Variants in SBF2 observed in about 807,000 individuals in gnomAD.
The protein encoded by SBF2 is myotubularin-related protein 13.
In SBF2, 112 loss-of-function variants were observed where a neutral mutation model predicts 225.2. The ratio of observed to expected loss-of-function variants is 0.50; its 90% CI spans 0.43 to 0.58. The LOEUF (loss-of-function observed/expected upper bound fraction) is 0.58. Ranked by LOEUF, SBF2 falls within the 20% of genes least tolerant of loss-of-function variation. The pLI, the probability that SBF2 is intolerant of heterozygous loss-of-function variation, is 0.00. For missense variants in SBF2, 1,996 were observed against 2,206.2 expected (o/e 0.90, Z 1.91); for synonymous variants, 763 against 773.3 (o/e 0.99, Z 0.22).
Position 9,978,969 on chromosome 11 carries a change from A to G in SBF2, c.1396-10424T>C, listed in dbSNP as rs574403502. Among the ~76,000 whole-genome samples the G allele has an allele frequency of 1.2e-4, 19 of 152,376 alleles. No homozygotes were observed. In the East Asian group the frequency reaches 3.7e-3, roughly 29 times the overall value. ...AGCCGAGATTGTGCCACTGCACTCC[A>G]GCCTGGGCAACAGAGTGAGATCTTG... On this transcript the variant is annotated intron_variant, in intron 13 of 39. Coordinates refer to ENST00000256190, the MANE Select transcript of SBF2 (RefSeq NM_030962.4).
intron 2 of SBF2, among the ~76,000 whole-genome samples, chr11:10,113,347 T>C (rs1211323050): frequency 2.6e-5 from 4 of 152,172 alleles, no homozygotes; most frequent in Non-Finnish European, 5.9e-5. Context: ...ACATTAAAAA[T>C]CTTAAGTATT....
At chr11:10,246,466 T>C (rs969597137) in intron 1 of SBF2, among the ~76,000 whole-genome samples, 1 of 152,114 alleles carries the variant, frequency 6.6e-6, no homozygotes, top group Non-Finnish European at 1.5e-5. Context: ...GTATTTTTAG[T>C]AGACACGGGG....
At chr11:10,292,469 C>T (rs1353703442) in intron 1 of SBF2, among the ~76,000 whole-genome samples, 2 of 152,038 alleles carry the variant, frequency 1.3e-5, no homozygotes, top group South Asian at 4.1e-4. Flanking sequence ...ATCACGAGAT[C>T]AGGAGTTCAA....
intron 1 of SBF2, among the ~76,000 whole-genome samples, chr11:10,236,823 T>C (rs892676902): frequency 6.6e-6 from 1 of 152,224 alleles, no homozygotes; most frequent in Non-Finnish European, 1.5e-5. Context: ...CTTTCATTTC[T>C]AGTAATGTAT....
intron 1 of SBF2, among the ~76,000 whole-genome samples, chr11:10,206,803 G>C (rs1456381171): frequency 6.6e-6 from 1 of 151,904 alleles, no homozygotes; most frequent in East Asian, 1.9e-4. Context: ...GAACAACGGA[G>C]AGAAAACAAA....
At chr11:9,803,718 G>A (rs1329804717) in intron 32 of SBF2, among the ~76,000 whole-genome samples, 1 of 152,160 alleles carries the variant, frequency 6.6e-6, no homozygotes, top group African/African-American at 2.4e-5. Context: ...AGATTTGGCT[G>A]TACAAGCTCA....
intron 13 of SBF2, among the ~76,000 whole-genome samples, chr11:9,974,733 C>A (rs1413228967): frequency 6.6e-6 from 1 of 150,888 alleles, no homozygotes; most frequent in Non-Finnish European, 1.5e-5. Context: ...CTTTGCGAGG[C>A]CGAGGCGGGT....
chr11:10,288,553 C>T (rs988521550), intron 1 of SBF2, among the ~76,000 whole-genome samples: 2 of 151,998 alleles, frequency 1.3e-5, no homozygotes, highest in Admixed American at 6.5e-5. Context: ...CTCTCTGCAG[C>T]TGGTTGTCCT....
chr11:9,875,495 G>A (rs538261732), intron 17 of SBF2, among the ~76,000 whole-genome samples: 1 of 152,300 alleles, frequency 6.6e-6, no homozygotes, highest in African/African-American at 2.4e-5. Flanking sequence ...GCAGGCCTGA[G>A]GATACCTTTA....
At chr11:10,187,162 T>C (rs891073108) in intron 2 of SBF2, among the ~76,000 whole-genome samples, 2 of 152,182 alleles carry the variant, frequency 1.3e-5, no homozygotes, top group African/African-American at 4.8e-5. Context: ...CTATCCTCCA[T>C]GCTTTCTCTT....
rs144684392 is a variant in SBF2, at chr11:9,837,211, T to A, written c.3455+2287A>T. The stretch of plus-strand genomic sequence containing the variant: ...TTTATTTATTTCTAAGATAAGTAAT[T>A]TCCTGTGTAGGATTTTTAAGACAGA... On this transcript the variant is annotated intron_variant, in intron 26 of 39. Transcript: ENST00000256190. 6.2e-3 allele frequency among the ~76,000 whole-genome samples: 951 copies of A among 152,314 alleles called. 50 individuals carry two copies. The highest frequency in any genetic ancestry group is 0.049 in the Admixed American group (749 of 15,296).
chr11:10,290,195 C>T (rs1964074870), intron 1 of SBF2, among the ~76,000 whole-genome samples: 1 of 151,952 alleles, frequency 6.6e-6, no homozygotes, highest in Non-Finnish European at 1.5e-5. Context: ...GTCATGGTAC[C>T]CCTGGGGTGG....
At chr11:10,159,746 C>A (rs571634307) in intron 2 of SBF2, among the ~76,000 whole-genome samples, 2 of 152,090 alleles carry the variant, frequency 1.3e-5, no homozygotes, top group Admixed American at 6.6e-5. Flanking sequence ...AAAAATTAGC[C>A]GGGCGCAGTG....
chr11:10,108,815 C>T (rs889800837), intron 2 of SBF2, among the ~76,000 whole-genome samples: 9 of 152,044 alleles, frequency 5.9e-5, no homozygotes, highest in South Asian at 4.2e-4. Context: ...TGAGCCACCG[C>T]GCCCGGCCAA....
intron 16 of SBF2, among the ~76,000 whole-genome samples, chr11:9,944,927 G>A (rs1196197117): frequency 1.3e-5 from 2 of 152,080 alleles, no homozygotes; most frequent in Non-Finnish European, 2.9e-5. Flanking sequence ...GCAACAAAGT[G>A]AGACCCTGTC....
rs557700209 is a variant in SBF2 at position 9,812,891 on chromosome 11, G to A, written c.3979-183C>T. ...CAGTGTTGGTGGGAACAGCCATTCA[G>A]TACAAGCTAGTGGTTTGCCCAGAAT... is the stretch of plus-strand genomic sequence containing the variant. On this transcript the variant is annotated intron_variant, in intron 29 of 39. Transcript: ENST00000256190. 27 of 650,568 alleles carry A rather than the reference G, an allele frequency of 4.2e-5. 1 individual carries two copies. In the South Asian group the frequency reaches 4.5e-4, roughly 11 times the overall value. The allele number at this position is 650,568 out of a possible 1,614,324, so 40.3% of individuals were successfully genotyped here.
intron 17 of SBF2, among the ~76,000 whole-genome samples, chr11:9,885,251 CA>C (rs71453937): frequency 0.012 from 444 of 38,290 alleles, 1 homozygote; most frequent in African/African-American, 0.038. Flanking sequence ...ACTTTTCCTC[CA>C]AAAAAAAAAA....
At chr11:9,992,239 A>G (rs917962470) in intron 12 of SBF2, among the ~76,000 whole-genome samples, 176 bp downstream of exon 12, 1 of 152,172 alleles carries the variant, frequency 6.6e-6, no homozygotes, top group Non-Finnish European at 1.5e-5. Flanking sequence ...AATTTTTTGT[A>G]ATTTTTATAA....
At chr11:9,895,908 C>T in intron 17 of SBF2, 35 bp downstream of exon 17, 2 of 1,464,616 alleles carry the variant, frequency 1.4e-6, no homozygotes, top group Non-Finnish European at 1.9e-6. Context: ...TTATGTAAAT[C>T]ATAACAAGCT....
Sources: gnomAD v4.1 joint callset for allele counts (sites outside exome capture counted in the v4.1 genomes callset) on GRCh38, gnomAD v4.1.1 for gene constraint, MANE v1.5 for transcripts, NCBI Gene and HGNC (gene_info 2026-07-23, HGNC 2026-07-21) for gene names.